NRXN1: variants seen among roughly 807,000 people sequenced by gnomAD.
The protein encoded by NRXN1 is neurexin 1.
NRXN1 carries 39 observed loss-of-function variants against 150.9 expected under a neutral mutation model. The ratio of observed to expected loss-of-function variants is 0.26; its 90% CI spans 0.20 to 0.34. The LOEUF (loss-of-function observed/expected upper bound fraction) is 0.34. Ranked by LOEUF, NRXN1 falls within the 10% of genes least tolerant of loss-of-function variation. The pLI is 1.00. For missense variants in NRXN1, 1,815 were observed against 1,949.9 expected (o/e 0.93, Z 1.30); for synonymous variants, 924 against 757.0 (o/e 1.22, Z -3.62).
intron 17 of NRXN1, among the ~76,000 whole-genome samples, chr2:50,254,272 A>AT (rs1441764040): frequency 2.8e-5 from 4 of 144,652 alleles, no homozygotes; most frequent in Non-Finnish European, 3.0e-5. Flanking sequence ...CCCCTTTATC[A>AT]TTTTTTATTG....
intron 17 of NRXN1, among the ~76,000 whole-genome samples, chr2:50,250,227 C>A (rs995679488): frequency 1.3e-5 from 2 of 152,014 alleles, no homozygotes; most frequent in Non-Finnish European, 2.9e-5. Flanking sequence ...ACAAACCAAC[C>A]CTGTACTTCA....
chr2:50,021,907 G>A (rs1687629259), intron 21 of NRXN1, among the ~76,000 whole-genome samples: 1 of 152,278 alleles, frequency 6.6e-6, no homozygotes, highest in Admixed American at 6.5e-5. Flanking sequence ...CTGGACTGCA[G>A]TGGCACGATC....
At chr2:50,410,914 G>T (rs1488338391) in intron 17 of NRXN1, among the ~76,000 whole-genome samples, 1 of 152,182 alleles carries the variant, frequency 6.6e-6, no homozygotes, top group African/African-American at 2.4e-5. Flanking sequence ...TTAGAATATT[G>T]ATTTAACTGC....
chr2:50,111,370 T>C (rs540633911), intron 18 of NRXN1, among the ~76,000 whole-genome samples: 6 of 152,222 alleles, frequency 3.9e-5, no homozygotes, highest in South Asian at 2.1e-4. Context: ...TCATGCGGCA[T>C]GGTGGTCACT....
intron 20 of NRXN1, 73 bp downstream of exon 20, chr2:50,054,882 G>T: frequency 1.1e-6 from 1 of 915,754 alleles, no homozygotes; most frequent in Non-Finnish European, 1.6e-6. Context: ...ATGTTTATTA[G>T]TGTTACAATG....
intron 5 of NRXN1, among the ~76,000 whole-genome samples, chr2:50,634,676 A>G (rs972253543): frequency 2.6e-5 from 4 of 152,114 alleles, no homozygotes; most frequent in African/African-American, 7.2e-5. Flanking sequence ...TAAGTTAATC[A>G]TGTCATCATT....
intron 17 of NRXN1, among the ~76,000 whole-genome samples, chr2:50,374,116 CCTCGT>C (rs2080309846): frequency 6.6e-6 from 1 of 150,808 alleles, no homozygotes; most frequent in South Asian, 2.1e-4. Context: ...TATAGCAAGA[CCTCGT>C]CTCTATTTCA....
chr2:50,804,445 T>C (rs1379359335), intron 5 of NRXN1, among the ~76,000 whole-genome samples: 1 of 152,222 alleles, frequency 6.6e-6, no homozygotes, highest in Non-Finnish European at 1.5e-5. Context: ...TAATCGCTAG[T>C]ACAATATAGG....
intron 5 of NRXN1, among the ~76,000 whole-genome samples, chr2:50,763,120 C>T (rs1430840189): frequency 6.6e-6 from 1 of 151,984 alleles, no homozygotes. Context: ...AATGATACCA[C>T]AGTCCTATCT....
intron 21 of NRXN1, among the ~76,000 whole-genome samples, chr2:50,004,958 G>C (rs1684521111): frequency 8.6e-6 from 1 of 116,060 alleles, no homozygotes; most frequent in Admixed American, 8.0e-5. Context: ...TTGAGAAGAT[G>C]ATTGTTTAAC....
At chr2:50,598,619 T>C (rs537710770) in intron 8 of NRXN1, among the ~76,000 whole-genome samples, 10 of 147,280 alleles carry the variant, frequency 6.8e-5, no homozygotes, top group Admixed American at 2.7e-4. Flanking sequence ...TACATATATA[T>C]ACATGTATAT....
intron 18 of NRXN1, among the ~76,000 whole-genome samples, chr2:50,168,148 T>C (rs917540692): frequency 3.9e-5 from 6 of 152,182 alleles, no homozygotes; most frequent in African/African-American, 1.2e-4. Context: ...ACAAACAGTC[T>C]GGTGATGGCA....
At chr2:50,964,263 T>C (rs1314105938) in intron 2 of NRXN1, among the ~76,000 whole-genome samples, 3 of 151,506 alleles carry the variant, frequency 2.0e-5, no homozygotes, top group Non-Finnish European at 4.4e-5. Flanking sequence ...TCAAGTAGTA[T>C]TTTATTCTTG....
At chr2:50,011,824 A>G (rs1469002) in intron 21 of NRXN1, among the ~76,000 whole-genome samples, 127,078 of 152,076 alleles carry the variant, frequency 0.84, 53,188 homozygotes, top group Middle Eastern at 0.88. Flanking sequence ...AAAATTGGAG[A>G]TAGGTGGATG....
chr2:50,372,403 C>T (rs1303909289), intron 17 of NRXN1, among the ~76,000 whole-genome samples: 1 of 151,958 alleles, frequency 6.6e-6, no homozygotes, highest in Admixed American at 6.6e-5. Flanking sequence ...AAATAATATG[C>T]AGCTGGCCAT....
intron 17 of NRXN1, among the ~76,000 whole-genome samples, chr2:50,373,331 T>TTATTATTATTATTATTA (rs1477232862): frequency 6.8e-6 from 1 of 146,972 alleles, no homozygotes; most frequent in Admixed American, 6.9e-5. Flanking sequence ...ATTATTATTA[T>TTATTATTATTATTATTA]TTTGCCTCAG....
At chr2:50,763,686 G>A (rs1021744017) in intron 5 of NRXN1, among the ~76,000 whole-genome samples, 1 of 151,872 alleles carries the variant, frequency 6.6e-6, no homozygotes, top group Non-Finnish European at 1.5e-5. Flanking sequence ...ACGTGGCAGA[G>A]TATTCCACTT....
chr2:50,563,530 T>C (rs140034654), intron 8 of NRXN1, among the ~76,000 whole-genome samples: 1 of 152,112 alleles, frequency 6.6e-6, no homozygotes, highest in East Asian at 1.9e-4. Flanking sequence ...GTAAATGAGA[T>C]GAATTATTCT....
intron 17 of NRXN1, among the ~76,000 whole-genome samples, chr2:50,249,714 T>C (rs1215467814): frequency 1.1e-4 from 16 of 151,876 alleles, no homozygotes; most frequent in Non-Finnish European, 2.4e-4. Context: ...CTCAGCTCAC[T>C]GCAAACTCTG....
Sources: allele counts gnomAD v4.1 joint callset (sites outside exome capture counted in the v4.1 genomes callset), GRCh38; gene constraint gnomAD v4.1.1; transcripts MANE v1.5; gene names NCBI Gene and HGNC (gene_info 2026-07-23, HGNC 2026-07-21).